The following ERBIN variants were observed in gnomAD, a reference collection of about 807,000 sequenced individuals.
ERBIN encodes the protein erbb2 interacting protein, also known as densin-180-like protein.
Under a neutral mutation model 158.4 loss-of-function variants are expected in ERBIN, and 60 were observed. The observed-to-expected ratio is 0.38, with a 90% CI of 0.31 to 0.47. The LOEUF (loss-of-function observed/expected upper bound fraction) is 0.47. Ranked by LOEUF, ERBIN falls within the 20% of genes least tolerant of loss-of-function variation. The pLI, the probability that ERBIN is intolerant of heterozygous loss-of-function variation, is 0.99. For synonymous variants in ERBIN, 594 were observed against 557.2 expected (o/e 1.07, Z -0.93); for missense variants, 1,610 against 1,648.0 (o/e 0.98, Z 0.40).
At position 66,054,381 on chromosome 5, in the gene ERBIN, T is replaced by C. The variant is rs1228166872; in HGVS notation, c.3063T>C (p.Tyr1021=). The C allele has an allele frequency of 4.3e-6, 7 of 1,614,036 alleles. No individual in the cohort carries two copies. Among genetic ancestry groups the C allele is most frequent in the South Asian group, 3.3e-5 (3 of 91,068 alleles). Residue 1021 remains tyrosine, a synonymous_variant, in exon 21 of 26, where the codon TAT becomes TAC. Coordinates refer to ENST00000284037, the MANE Select transcript of ERBIN (RefSeq NM_001253697.2). ...PRSESTENQS[Y]AKHSANMNFS... ...CAGAGAGCACAGAAAATCAAAGTTATGCTAAACATTCTGCCAATATGAATT... is the reference window on the plus strand; with the variant it reads ...CAGAGAGCACAGAAAATCAAAGTTACGCTAAACATTCTGCCAATATGAATT...
Position 66,046,363 on chromosome 5 carries a change from G to C in ERBIN, c.1613G>C (p.Ser538Thr), listed in dbSNP as rs759740222. ...NKDVGVKTSESTTTVKSKVDE... is the reference protein window; with the variant it reads ...NKDVGVKTSETTTTVKSKVDE... Reference sequence around the variant, plus strand: ...TTTTCTTTTACTTAGACCTCAGAAAGTACTACTACAGTAAAAAGCAAAGTT... The same window carrying C: ...TTTTCTTTTACTTAGACCTCAGAAACTACTACTACAGTAAAAAGCAAAGTT... The change falls in exon 18 of 26, where the codon AGT becomes ACT. Residue 538 changes from serine to threonine, a missense_variant. This residue lies in a region of ERBIN where 596 missense variants were observed against 711.9 expected (regional missense o/e 0.84). Coordinates refer to ENST00000284037, the MANE Select transcript of ERBIN (RefSeq NM_001253697.2). 4.5e-6 allele frequency: 7 copies of C among 1,560,808 alleles called. No homozygotes were observed. Among genetic ancestry groups the C allele is most frequent in the Non-Finnish European group, 6.1e-6 (7 of 1,144,732 alleles).
intron 1 of ERBIN, among the ~76,000 whole-genome samples, chr5:65,951,561 C>T (rs910325107): frequency 2.6e-5 from 4 of 152,138 alleles, no homozygotes; most frequent in African/African-American, 9.7e-5. Flanking sequence ...TAGGCTTAGT[C>T]ACCATAGCTA....
intron 1 of ERBIN, among the ~76,000 whole-genome samples, chr5:65,956,186 G>GT (rs1445667623): frequency 6.6e-6 from 1 of 152,170 alleles, no homozygotes; most frequent in Non-Finnish European, 1.5e-5. Flanking sequence ...CTGTGGTAGA[G>GT]TGTCTACTGC....
intron 1 of ERBIN, among the ~76,000 whole-genome samples, chr5:65,958,028 C>A (rs1014497863): frequency 1.3e-5 from 2 of 149,754 alleles, no homozygotes; most frequent in Non-Finnish European, 3.0e-5. Flanking sequence ...GACGGGGTGG[C>A]GGGGCAGAGG....
intron 1 of ERBIN, among the ~76,000 whole-genome samples, chr5:65,963,744 T>C (rs184013743): frequency 4.1e-4 from 63 of 152,272 alleles, no homozygotes; most frequent in African/African-American, 1.3e-3. Flanking sequence ...CAAATTTTAT[T>C]TTTTTATAAG....
chr5:66,048,650 C>G lies in ERBIN; in HGVS notation c.1789-17C>G, dbSNP rs781686352. The G allele has an allele frequency of 4.7e-6, 7 of 1,500,302 alleles. No individual in the cohort carries two copies. Among genetic ancestry groups the G allele is most frequent in the Non-Finnish European group, 6.5e-6 (7 of 1,084,280 alleles). 92.9% of individuals were successfully genotyped at this position (1,500,302 alleles called of 1,614,324 possible). On this transcript the variant is annotated splice_polypyrimidine_tract_variant and intron_variant, in intron 18 of 25. Coordinates refer to ENST00000284037, the MANE Select transcript of ERBIN (RefSeq NM_001253697.2). ...ACAAAAATTTAATTTTTATCCCCCT[C>G]ACCCCCTTTTCACTAGGAATCTGAA... is the stretch of plus-strand genomic sequence containing the variant.
intron 16 of ERBIN, among the ~76,000 whole-genome samples, chr5:66,043,409 G>A (rs1325122502): frequency 6.6e-6 from 1 of 152,056 alleles, no homozygotes; most frequent in African/African-American, 2.4e-5. Flanking sequence ...AAATTTCATA[G>A]TATATATAAA....
chr5:66,025,570 G>T lies in ERBIN; in HGVS notation c.890+18G>T, dbSNP rs1035791979. 2 of 1,562,230 alleles carry T rather than the reference G, an allele frequency of 1.3e-6. No homozygotes were observed. Among genetic ancestry groups the T allele is most frequent in the Non-Finnish European group, 1.8e-6 (2 of 1,136,238 alleles). On this transcript the variant is annotated intron_variant, in intron 11 of 25. Transcript: ENST00000284037. ...ATAGGAGGGTAAGTTTTTTGTGAAT[G>T]TATACACCCTCGAAGATTTTACTTT...
intron 1 of ERBIN, among the ~76,000 whole-genome samples, chr5:65,933,783 A>G (rs1333683708): frequency 6.6e-6 from 1 of 152,128 alleles, no homozygotes; most frequent in African/African-American, 2.4e-5. Flanking sequence ...ACTGCTATAG[A>G]TATTTTTAAA....
chr5:65,964,661 C>G (rs1748325046), intron 1 of ERBIN, among the ~76,000 whole-genome samples: 1 of 151,770 alleles, frequency 6.6e-6, no homozygotes, highest in Non-Finnish European at 1.5e-5. Context: ...TGTGCAGAAG[C>G]ATTGATTTTC....
At chr5:65,938,338 TGTATA>T (rs1744342049) in intron 1 of ERBIN, among the ~76,000 whole-genome samples, 1 of 151,438 alleles carries the variant, frequency 6.6e-6, no homozygotes, top group Non-Finnish European at 1.5e-5. Flanking sequence ...ATTTTCTGGG[TGTATA>T]GTAATAGATT....
intron 1 of ERBIN, among the ~76,000 whole-genome samples, chr5:65,935,413 CAT>C (rs761734898): frequency 1.3e-5 from 2 of 152,120 alleles, no homozygotes; most frequent in East Asian, 1.9e-4. Flanking sequence ...GTTTTGTTTC[CAT>C]ATGTTATGTG....
intron 4 of ERBIN, among the ~76,000 whole-genome samples, chr5:65,999,841 T>C (rs912200112): frequency 2.0e-5 from 3 of 152,224 alleles, no homozygotes; most frequent in Non-Finnish European, 4.4e-5. Context: ...TGGTGGTGCC[T>C]GATACATTCC....
At chr5:65,986,221 T>C (rs1347882936) in intron 1 of ERBIN, among the ~76,000 whole-genome samples, 1 of 152,254 alleles carries the variant, frequency 6.6e-6, no homozygotes, top group Non-Finnish European at 1.5e-5. Flanking sequence ...AGCTGCTTAC[T>C]CAGTGTCCTA....
Position 66,055,213 on chromosome 5 carries a change from T to C in ERBIN, c.3633+262T>C, listed in dbSNP as rs184897756. The stretch of plus-strand genomic sequence containing the variant: ...TGTTTATGTGTCTGTCTCTTTGAGA[T>C]TGTGCACACATACTAAAAATACACG... On this transcript the variant is annotated intron_variant, in intron 21 of 25. Transcript: ENST00000284037. 18 of 716,138 alleles carry C rather than the reference T, an allele frequency of 2.5e-5. No homozygotes were observed. The East Asian group carries it at 9.1e-4, about 36-fold the overall frequency. The allele number at this position is 716,138 out of a possible 1,614,324, so 44.4% of individuals were successfully genotyped here.
At chr5:66,001,034 T>A (rs1291599064) in intron 4 of ERBIN, among the ~76,000 whole-genome samples, 1 of 152,128 alleles carries the variant, frequency 6.6e-6, no homozygotes, top group Non-Finnish European at 1.5e-5. Flanking sequence ...AGCACACATA[T>A]TAGGTTGCAT....
intron 2 of ERBIN, among the ~76,000 whole-genome samples, chr5:65,990,341 CT>C (rs1474313722): frequency 6.6e-6 from 1 of 152,158 alleles, no homozygotes; most frequent in African/African-American, 2.4e-5. Flanking sequence ...TATAGTTTAT[CT>C]AAAGAACTTA....
chr5:66,047,103 C>A (rs899856382), intron 18 of ERBIN, among the ~76,000 whole-genome samples: 1 of 152,054 alleles, frequency 6.6e-6, no homozygotes, highest in Admixed American at 6.6e-5. Context: ...GAAAGAAATT[C>A]CATACTCTTT....
Position 66,048,721 on chromosome 5 carries a change from C to T in ERBIN, c.1843C>T (p.Pro615Ser), listed in dbSNP as rs764795050. ...GATGAAAATGGCGGAGATGCGACCA[C>T]CATTAATTGAAACCTCTATTAACCA... is the stretch of plus-strand genomic sequence containing the variant. ...EEMKMAEMRP[P>S]LIETSINQPK... is the part of the protein sequence containing the mutation. Residue 615 changes from proline to serine, a missense_variant, in exon 19 of 26, where the codon CCA (proline) becomes TCA (serine). By Grantham distance (74) the Pro-to-Ser change is moderately conservative (BLOSUM62 -1). Around this residue, in one of 2 missense-constraint regions of ERBIN, gnomAD observed 596 missense variants for 711.9 expected, o/e 0.84. Coordinates refer to ENST00000284037, the MANE Select transcript of ERBIN (RefSeq NM_001253697.2). The T allele has an allele frequency of 6.2e-7, 1 of 1,608,672 alleles. No homozygotes were observed. The highest frequency in any genetic ancestry group is 1.3e-5 in the African/African-American group (1 of 74,712).
Sources: gnomAD v4.1 joint callset for allele counts (sites outside exome capture counted in the v4.1 genomes callset) on GRCh38, gnomAD v4.1.1 for gene constraint, gnomAD v4.1.1 regional missense constraint, MANE v1.5 for transcripts, NCBI Gene and HGNC (gene_info 2026-07-23, HGNC 2026-07-21) for gene names.